CACNA2D1: variants seen among roughly 807,000 people sequenced by gnomAD.
CACNA2D1 encodes the protein voltage-dependent calcium channel subunit alpha-2/delta-1.
Under a neutral mutation model 171.5 loss-of-function variants are expected in CACNA2D1, and 53 were observed. The ratio of observed to expected loss-of-function variants is 0.31; its 90% CI spans 0.25 to 0.39. The LOEUF (loss-of-function observed/expected upper bound fraction) is 0.39, where lower values mean the gene tolerates loss of function less well. CACNA2D1 is among the 10% of genes least tolerant of loss of function. CACNA2D1 has a pLI of 1.00. For missense variants in CACNA2D1, 903 were observed against 1,299.8 expected (o/e 0.69, Z 4.69); for synonymous variants, 442 against 443.1 (o/e 1.00, Z 0.03).
intron 3 of CACNA2D1, among the ~76,000 whole-genome samples, chr7:82,178,196 T>C (rs916434700): frequency 2.0e-5 from 3 of 152,140 alleles, no homozygotes; most frequent in Admixed American, 6.6e-5. Flanking sequence ...GTGTGTCCTA[T>C]AGATTTCAAC....
chr7:82,152,730 C>A (rs1358933319), intron 4 of CACNA2D1, among the ~76,000 whole-genome samples: 1 of 151,726 alleles, frequency 6.6e-6, no homozygotes, highest in Admixed American at 6.6e-5. Context: ...TGCAAACAGC[C>A]CCAGTCCTTA....
Position 82,005,424 on chromosome 7 carries a change from T to A in CACNA2D1, c.1589A>T (p.Lys530Met). ...ACTGTAAACAAATTATATACTGACC[T>A]TTGGCTGAAGATTTGGATGTAATAA... The part of the protein sequence containing the change: ...YVLLHPNLQP[K>M]NPKSQEPVTL... Residue 530 changes from lysine to methionine, a missense_variant and splice_region_variant, in exon 18 of 39, where the codon AAG (lysine) becomes ATG (methionine). By Grantham distance (95) the Lys-to-Met change is moderately conservative. This residue lies in a region of CACNA2D1 where 623 missense variants were observed against 925.5 expected (regional missense o/e 0.67). Transcript: ENST00000356860. 6.4e-7 allele frequency: 1 copy of A among 1,561,570 alleles called. No individual in the cohort carries two copies. The highest frequency in any genetic ancestry group is 8.8e-7 in the Non-Finnish European group (1 of 1,137,330).
At chr7:82,274,620 G>A (rs1809078919) in intron 3 of CACNA2D1, among the ~76,000 whole-genome samples, 1 of 152,062 alleles carries the variant, frequency 6.6e-6, no homozygotes, top group Non-Finnish European at 1.5e-5. Context: ...GTCAATCACT[G>A]TTAGATTATT....
chr7:82,212,608 T>A (rs1800678629), intron 3 of CACNA2D1, among the ~76,000 whole-genome samples: 1 of 152,222 alleles, frequency 6.6e-6, no homozygotes, highest in Non-Finnish European at 1.5e-5. Flanking sequence ...AAGGTTCATG[T>A]GAGCAGATAT....
intron 3 of CACNA2D1, among the ~76,000 whole-genome samples, chr7:82,250,486 A>G (rs537879754): frequency 6.6e-6 from 1 of 152,186 alleles, no homozygotes; most frequent in Non-Finnish European, 1.5e-5. Flanking sequence ...ACTTCATCAC[A>G]TAAGTAGGTA....
chr7:81,973,717 C>T (rs1473615173), intron 25 of CACNA2D1, among the ~76,000 whole-genome samples: 1 of 151,608 alleles, frequency 6.6e-6, no homozygotes, highest in East Asian at 1.9e-4. Flanking sequence ...CCTCTTATTT[C>T]CCATTTGTAC....
intron 3 of CACNA2D1, among the ~76,000 whole-genome samples, chr7:82,234,136 C>T (rs1043764174): frequency 4.5e-4 from 69 of 152,114 alleles, no homozygotes; most frequent in African/African-American, 1.6e-3. Flanking sequence ...CAATAATTTA[C>T]TTTTCTCTGA....
At chr7:81,965,174 AAATTAGTTGGCATCT>A (rs1383141254) in intron 32 of CACNA2D1, among the ~76,000 whole-genome samples, 2 of 151,952 alleles carry the variant, frequency 1.3e-5, no homozygotes, top group African/African-American at 4.8e-5. Context: ...TTCAGAAGTG[AAATTAGTTGGCATCT>A]ACTTCAAATT....
chr7:82,070,689 T>C (rs919874781), intron 7 of CACNA2D1, among the ~76,000 whole-genome samples: 1 of 152,156 alleles, frequency 6.6e-6, no homozygotes, highest in Admixed American at 6.5e-5. Flanking sequence ...GAACTTGTCA[T>C]ATGGTCCTAC....
At chr7:82,186,084 A>G (rs62462983) in intron 3 of CACNA2D1, among the ~76,000 whole-genome samples, 49,833 of 150,732 alleles carry the variant, frequency 0.33, 8,552 homozygotes, top group East Asian at 0.48. Context: ...TGAACCCGGG[A>G]GGTGGAGGCT....
At chr7:82,151,717 T>C (rs570181139) in intron 4 of CACNA2D1, among the ~76,000 whole-genome samples, 28 of 152,264 alleles carry the variant, frequency 1.8e-4, no homozygotes, top group African/African-American at 6.3e-4. Context: ...TTTTCAACTG[T>C]GATTCCAGAT....
intron 4 of CACNA2D1, among the ~76,000 whole-genome samples, chr7:82,148,678 G>A (rs907563671): frequency 1.3e-5 from 2 of 151,902 alleles, no homozygotes; most frequent in African/African-American, 2.4e-5. Context: ...TGCTATTGTC[G>A]ACCAGCTGGA....
chr7:82,166,851 G>T (rs999681657), intron 4 of CACNA2D1, among the ~76,000 whole-genome samples: 1 of 152,058 alleles, frequency 6.6e-6, no homozygotes, highest in Non-Finnish European at 1.5e-5. Context: ...TGTGTATTCA[G>T]TTGGGAATTG....
intron 3 of CACNA2D1, among the ~76,000 whole-genome samples, chr7:82,263,102 CTTT>C (rs759968270): frequency 2.8e-5 from 3 of 108,022 alleles, no homozygotes; most frequent in African/African-American, 3.7e-5. Flanking sequence ...CATAACACCA[CTTT>C]TTTTTTTTTT....
At chr7:82,303,198 T>G (rs962590593) in intron 3 of CACNA2D1, among the ~76,000 whole-genome samples, 1 of 151,950 alleles carries the variant, frequency 6.6e-6, no homozygotes, top group East Asian at 1.9e-4. Flanking sequence ...GGGATTTCAC[T>G]ATGTTAGCCA....
At chr7:82,396,310 C>T (rs1489839137) in intron 1 of CACNA2D1, among the ~76,000 whole-genome samples, 1 of 151,830 alleles carries the variant, frequency 6.6e-6, no homozygotes, top group African/African-American at 2.4e-5. Flanking sequence ...ACAGCGAGAC[C>T]CCATCTCTAT....
At chr7:82,377,993 G>T (rs1823215767) in intron 1 of CACNA2D1, among the ~76,000 whole-genome samples, 1 of 152,158 alleles carries the variant, frequency 6.6e-6, no homozygotes, top group Non-Finnish European at 1.5e-5. Flanking sequence ...TGGGCAGGAT[G>T]CTTTGTCTCC....
chr7:82,248,824 A>T (rs1265063449), intron 3 of CACNA2D1, among the ~76,000 whole-genome samples: 1 of 151,090 alleles, frequency 6.6e-6, no homozygotes, highest in African/African-American at 2.5e-5. Context: ...AAAAAAAAAA[A>T]TGCCCTCTTG....
chr7:82,086,710 A>G (rs555479124), intron 6 of CACNA2D1, among the ~76,000 whole-genome samples: 73 of 152,256 alleles, frequency 4.8e-4, no homozygotes, highest in Non-Finnish European at 8.5e-4. Context: ...TTAATCCCCA[A>G]TCTATTCTAT....
Sources: gnomAD v4.1 joint callset for allele counts (sites outside exome capture counted in the v4.1 genomes callset) on GRCh38, gnomAD v4.1.1 for gene constraint, gnomAD v4.1.1 regional missense constraint, MANE v1.5 for transcripts, NCBI Gene and HGNC (gene_info 2026-07-23, HGNC 2026-07-21) for gene names.